The following MARCHF6 variants were observed in gnomAD, a reference collection of about 807,000 sequenced individuals.
MARCHF6 encodes the protein E3 ubiquitin-protein ligase MARCHF6.
Under a neutral mutation model 133.7 loss-of-function variants are expected in MARCHF6, and 31 were observed. That is an observed-to-expected ratio of 0.23 (90% confidence interval 0.17 to 0.31). MARCHF6 has a LOEUF of 0.31. Among genes scored for constraint, MARCHF6 ranks in the 10% least tolerant of loss-of-function variants. The pLI is 1.00. For missense variants in MARCHF6, 723 were observed against 1,121.6 expected (o/e 0.64, Z 5.08); for synonymous variants, 395 against 402.5 (o/e 0.98, Z 0.22).
chr5:10,362,798 G>A (rs1348123267), intron 1 of MARCHF6, among the ~76,000 whole-genome samples: 1 of 152,066 alleles, frequency 6.6e-6, no homozygotes, highest in Non-Finnish European at 1.5e-5. Context: ...CTGAAAACAT[G>A]GCAGTCACCT....
chr5:10,420,540 A>G (rs1739772297), intron 22 of MARCHF6, among the ~76,000 whole-genome samples: 1 of 152,230 alleles, frequency 6.6e-6, no homozygotes, highest in Non-Finnish European at 1.5e-5. Context: ...GTTACGCAGC[A>G]TGAGCCCTGG....
chr5:10,362,911 A>G (rs529291042), intron 1 of MARCHF6, among the ~76,000 whole-genome samples: 2 of 152,218 alleles, frequency 1.3e-5, no homozygotes, highest in Non-Finnish European at 2.9e-5. Context: ...ATTTTTGGAC[A>G]GAAGTGCAAA....
At chr5:10,362,816 T>A (rs1735909431) in intron 1 of MARCHF6, among the ~76,000 whole-genome samples, 1 of 152,192 alleles carries the variant, frequency 6.6e-6, no homozygotes, top group Admixed American at 6.5e-5. Flanking sequence ...CCTTAAAAAA[T>A]TAAATTAACT....
At chr5:10,427,627 TA>T (rs995567937) in intron 24 of MARCHF6, among the ~76,000 whole-genome samples, 11 of 152,088 alleles carry the variant, frequency 7.2e-5, no homozygotes, top group African/African-American at 2.7e-4. Flanking sequence ...GAGAGGAGCT[TA>T]AAAAAAACAC....
At position 10,391,576 on chromosome 5, in the gene MARCHF6, C is replaced by T; in HGVS notation, c.611C>T (p.Ala204Val). The change falls in exon 7 of 26, where the codon GCT becomes GTT. Residue 204 changes from alanine to valine, a missense_variant. Around this residue, in one of 4 missense-constraint regions of MARCHF6, gnomAD observed 97 missense variants for 115.4 expected, o/e 0.84. Transcript: ENST00000274140. ...PAGGNGAENV[A>V]ADQPANPPAE... The stretch of plus-strand genomic sequence containing the variant: ...GGAGGAAATGGTGCAGAAAATGTTG[C>T]TGCTGATCAGCCTGCTAACCCACCA... 2 of 1,606,776 alleles carry T rather than the reference C, an allele frequency of 1.2e-6. No homozygotes were observed. The highest frequency in any genetic ancestry group is 1.7e-6 in the Non-Finnish European group (2 of 1,177,336).
intron 10 of MARCHF6, among the ~76,000 whole-genome samples, chr5:10,399,771 TGTTAA>T (rs1006993387): frequency 2.6e-5 from 4 of 152,170 alleles, no homozygotes; most frequent in Non-Finnish European, 5.9e-5. Flanking sequence ...TACTTTTAGT[TGTTAA>T]GTTATAAGTT....
intron 17 of MARCHF6, among the ~76,000 whole-genome samples, 166 bp from the exon 18 acceptor site, chr5:10,409,973 A>G (rs1240862230): frequency 1.3e-5 from 2 of 152,192 alleles, no homozygotes; most frequent in African/African-American, 4.8e-5. Flanking sequence ...ATCAGAAACA[A>G]TTTGGTGGAG....
At position 10,411,548 on chromosome 5, in the gene MARCHF6, T is replaced by C. The variant is rs891367205; in HGVS notation, c.1896+11T>C. 2 of 1,599,614 alleles carry C rather than the reference T, an allele frequency of 1.3e-6. No individual in the cohort carries two copies. Among genetic ancestry groups the C allele is most frequent in the African/African-American group, 1.3e-5 (1 of 74,194 alleles). ...AATTTTCCACTCAGGGTAGGTGCTATACAGACTTAATCACATATAGAGGTT... is the reference window on the plus strand; with the variant it reads ...AATTTTCCACTCAGGGTAGGTGCTACACAGACTTAATCACATATAGAGGTT... On this transcript the variant is annotated intron_variant, in intron 19 of 25. Transcript: ENST00000274140.
rs1740772346 is a variant in MARCHF6, at chr5:10,439,427, G to A, written c.*5743G>A. ...AACACCAAAAGCACAATCCATGAAGGAAAAATCGATAAATTGTACTTTATC... is the reference window on the plus strand; with the variant it reads ...AACACCAAAAGCACAATCCATGAAGAAAAAATCGATAAATTGTACTTTATC... On this transcript the variant is annotated 3_prime_UTR_variant, in exon 26 of 26. Transcript: ENST00000274140. The A allele has an allele frequency of 6.6e-6, 1 of 152,084 alleles. No homozygotes were observed. The allele number at this position is 152,084 out of a possible 1,614,324, so 9.4% of individuals were successfully genotyped here.
At chr5:10,368,084 A>G (rs1736241098) in intron 1 of MARCHF6, among the ~76,000 whole-genome samples, 2 of 152,116 alleles carry the variant, frequency 1.3e-5, no homozygotes, top group African/African-American at 4.8e-5. Context: ...TTAGTAAAGG[A>G]CTTTAAGCTG....
Position 10,403,542 on chromosome 5 carries a change from G to T in MARCHF6, c.1332+1G>T. ...CTCCTTCATTCTACTACTGAGAGAG[G>T]TAAGTCCACAGGGAAATGCTGATGC... On this transcript the variant is annotated splice_donor_variant, in intron 15 of 25. Transcript: ENST00000274140. LOFTEE classifies it high-confidence loss of function. 6.2e-7 allele frequency: 1 copy of T among 1,608,474 alleles called. No individual in the cohort carries two copies. The highest frequency in any genetic ancestry group is 8.5e-7 in the Non-Finnish European group (1 of 1,178,262).
chr5:10,359,962 C>T (rs1321898902), intron 1 of MARCHF6, among the ~76,000 whole-genome samples: 5 of 151,662 alleles, frequency 3.3e-5, no homozygotes, highest in East Asian at 2.0e-4. Flanking sequence ...GCCGAGATCG[C>T]GCCACTGCAC....
At chr5:10,422,633 T>A (rs1185181151) in intron 22 of MARCHF6, among the ~76,000 whole-genome samples, 1 of 152,096 alleles carries the variant, frequency 6.6e-6, no homozygotes, top group African/African-American at 2.4e-5. Flanking sequence ...AGATTGATAT[T>A]TGAGGGTATT....
At position 10,400,524 on chromosome 5, in the gene MARCHF6, A is replaced by G. The variant is rs555949362; in HGVS notation, c.914-260A>G. Among the ~76,000 whole-genome samples the G allele has an allele frequency of 4.6e-5, 7 of 152,170 alleles. No individual in the cohort carries two copies. In the South Asian group the frequency reaches 1.4e-3, roughly 32 times the overall value. ...TGTTTTTCCATCAGTTTTGGTCATT[A>G]TTCTTTTTGATGCTCATATTATCCT... On this transcript the variant is annotated intron_variant, in intron 10 of 25. Coordinates refer to ENST00000274140, the MANE Select transcript of MARCHF6 (RefSeq NM_005885.4).
chr5:10,362,056 C>T (rs1405894805), intron 1 of MARCHF6, among the ~76,000 whole-genome samples: 1 of 152,136 alleles, frequency 6.6e-6, no homozygotes, highest in Admixed American at 6.5e-5. Flanking sequence ...AGCCACTGTG[C>T]CTGGCTGTAA....
At position 10,435,773 on chromosome 5, in the gene MARCHF6, G is replaced by A. The variant is rs1178640743; in HGVS notation, c.*2089G>A. 7.7e-6 allele frequency: 1 copy of A among 130,158 alleles called. No homozygotes were observed. The highest frequency in any genetic ancestry group is 2.9e-5 in the African/African-American group (1 of 34,154). 8.1% of individuals were successfully genotyped at this position (130,158 alleles called of 1,614,324 possible). A position where few individuals can be genotyped will look rare whatever the true frequency, so the allele number is the denominator to read the frequency against. On this transcript the variant is annotated 3_prime_UTR_variant, in exon 26 of 26. Transcript: ENST00000274140. ...ACTCTGTTGCCCAGGCTGGAGTGCA[G>A]TGGCACGATCCTGGTTCACTGCACC...
intron 3 of MARCHF6, among the ~76,000 whole-genome samples, chr5:10,381,148 G>GT (rs1247508826): frequency 6.6e-6 from 1 of 152,138 alleles, no homozygotes; most frequent in Admixed American, 6.6e-5. Flanking sequence ...ATAGGCAGTG[G>GT]TTTTTTATTG....
At chr5:10,404,934 A>G (rs1280145344) in intron 15 of MARCHF6, among the ~76,000 whole-genome samples, 1 of 152,250 alleles carries the variant, frequency 6.6e-6, no homozygotes, top group African/African-American at 2.4e-5. Context: ...AAAATGCTTT[A>G]TAATGATTTC....
chr5:10,406,974 G>T, intron 16 of MARCHF6, 128 bp from the exon 17 acceptor site: 1 of 503,808 alleles, frequency 2.0e-6, no homozygotes. Flanking sequence ...TGTAGAGTGG[G>T]AACCGCTTGG....
Sources: gnomAD v4.1 joint callset for allele counts (sites outside exome capture counted in the v4.1 genomes callset) on GRCh38, gnomAD v4.1.1 for gene constraint, gnomAD v4.1.1 regional missense constraint, MANE v1.5 for transcripts, NCBI Gene and HGNC (gene_info 2026-07-23, HGNC 2026-07-21) for gene names.